CACNA1C: variants seen among roughly 807,000 people sequenced by gnomAD.
CACNA1C encodes the protein calcium voltage-gated channel subunit alpha1 C, also known as voltage-dependent L-type calcium channel subunit alpha-1C.
CACNA1C carries 30 observed loss-of-function variants against 229.0 expected under a neutral mutation model. That is an observed-to-expected ratio of 0.13 (90% CI 0.10 to 0.18). The LOEUF (loss-of-function observed/expected upper bound fraction) is 0.18, where lower values mean the gene tolerates loss of function less well. Ranked by LOEUF, CACNA1C falls within the 10% of genes least tolerant of loss-of-function variation. The probability of loss-of-function intolerance (pLI) is 1.00; values close to 1 mark genes in which losing one functional copy is unlikely to be tolerated. For missense variants in CACNA1C, 1,658 were observed against 2,845.0 expected (o/e 0.58, Z 9.49); for synonymous variants, 1,114 against 1,132.5 (o/e 0.98, Z 0.33).
At chr12:1,992,777 T>A in intron 1 of CACNA1C, 2 of 205,810 alleles carry the variant, frequency 9.7e-6, no homozygotes, top group East Asian at 1.1e-4. Context: ...AGAAACTTTT[T>A]GGACTTTGAT....
intron 3 of CACNA1C, among the ~76,000 whole-genome samples, chr12:2,396,306 T>G (rs2098573432): frequency 6.6e-6 from 1 of 152,174 alleles, no homozygotes; most frequent in Admixed American, 6.5e-5. Flanking sequence ...TGGAAATATT[T>G]TTGCAGCCTG....
chr12:2,118,261 C>A (rs1052031371), intron 2 of CACNA1C, among the ~76,000 whole-genome samples: 2 of 152,072 alleles, frequency 1.3e-5, no homozygotes, highest in Non-Finnish European at 2.9e-5. Flanking sequence ...TGTGTGTGCA[C>A]GGGTCTGGTT....
At chr12:2,378,139 A>G (rs2098128332) in intron 3 of CACNA1C, among the ~76,000 whole-genome samples, 1 of 152,200 alleles carries the variant, frequency 6.6e-6, no homozygotes, top group African/African-American at 2.4e-5. Flanking sequence ...AATAATGATT[A>G]TAAAGTCTAG....
chr12:2,230,457 A>G (rs576495511), intron 3 of CACNA1C, among the ~76,000 whole-genome samples: 1 of 152,348 alleles, frequency 6.6e-6, no homozygotes, highest in South Asian at 2.1e-4. Context: ...GCGACCCCTC[A>G]GGAAGAGACT....
intron 5 of CACNA1C, among the ~76,000 whole-genome samples, chr12:2,462,728 C>G (rs2099519153): frequency 6.6e-6 from 1 of 152,146 alleles, no homozygotes; most frequent in South Asian, 2.1e-4. Context: ...CCTTTGCTGG[C>G]TTTTCCAAAG....
At chr12:2,539,928 C>A (rs1174183216) in intron 9 of CACNA1C, among the ~76,000 whole-genome samples, 2 of 152,154 alleles carry the variant, frequency 1.3e-5, no homozygotes, top group Non-Finnish European at 2.9e-5. Flanking sequence ...CCCAGGGTAG[C>A]AGCTGTGTGG....
At chr12:2,491,997 T>TC (rs57918017) in intron 6 of CACNA1C, among the ~76,000 whole-genome samples, 6 of 146,534 alleles carry the variant, frequency 4.1e-5, no homozygotes, top group African/African-American at 1.3e-4. Context: ...TCTCTCTCTC[T>TC]TTGGAAGTGT....
chr12:2,343,327 G>A (rs889685467), intron 3 of CACNA1C, among the ~76,000 whole-genome samples: 1 of 152,184 alleles, frequency 6.6e-6, no homozygotes, highest in African/African-American at 2.4e-5. Flanking sequence ...CTATTTGGCT[G>A]TTCACAACCT....
intron 1 of CACNA1C, among the ~76,000 whole-genome samples, chr12:2,036,877 G>A (rs551457504): frequency 6.6e-6 from 1 of 152,304 alleles, no homozygotes; most frequent in South Asian, 2.1e-4. Flanking sequence ...TAGCTGCTTA[G>A]TCTTGACACT....
chr12:2,281,066 C>T (rs2091069124), intron 3 of CACNA1C, among the ~76,000 whole-genome samples: 1 of 151,984 alleles, frequency 6.6e-6, no homozygotes, highest in African/African-American at 2.4e-5. Context: ...CACCCAGTAA[C>T]TCGTCATTTA....
In CACNA1C at chr12:2,143,545, G is replaced by A. The variant is rs527389434; in HGVS notation, c.477+23115G>A. On this transcript the variant is annotated intron_variant, in intron 3 of 46. Coordinates refer to ENST00000399655, the MANE Select transcript of CACNA1C (RefSeq NM_000719.7). ...ACCATTGTGCGACAGTTGCTACAGT[G>A]TTCAGTACAGTCTCAGGCACGGTCA... Among the ~76,000 whole-genome samples the A allele has an allele frequency of 2.6e-5, 4 of 151,324 alleles. No homozygotes were observed. The East Asian group carries it at 7.7e-4, about 29-fold the overall frequency.
At chr12:2,123,471 T>A (rs908285060) in intron 3 of CACNA1C, among the ~76,000 whole-genome samples, 4 of 151,262 alleles carry the variant, frequency 2.6e-5, no homozygotes, top group Non-Finnish European at 4.4e-5. Flanking sequence ...AAAATGGAAG[T>A]GACCTCAGAG....
At chr12:2,037,162 A>G (rs991797961) in intron 1 of CACNA1C, among the ~76,000 whole-genome samples, 1 of 152,184 alleles carries the variant, frequency 6.6e-6, no homozygotes, top group Non-Finnish European at 1.5e-5. Flanking sequence ...TGCCTCATCT[A>G]TACATAGGAG....
chr12:2,436,269 C>T (rs938136540), intron 3 of CACNA1C, among the ~76,000 whole-genome samples: 5 of 152,200 alleles, frequency 3.3e-5, no homozygotes, highest in East Asian at 3.9e-4. Flanking sequence ...TCAGAAATTC[C>T]TTCATCCCTT....
intron 3 of CACNA1C, among the ~76,000 whole-genome samples, chr12:2,343,409 A>T (rs2096918068): frequency 6.6e-6 from 1 of 152,256 alleles, no homozygotes; most frequent in Non-Finnish European, 1.5e-5. Context: ...TTAACAAAAA[A>T]CAAAACAAAG....
chr12:2,578,669 T>C (rs112161437), intron 13 of CACNA1C, among the ~76,000 whole-genome samples: 4 of 152,136 alleles, frequency 2.6e-5, no homozygotes, highest in African/African-American at 9.7e-5. Context: ...TCCGAGGACT[T>C]TGCCTTGAGC....
At chr12:2,004,247 C>G (rs202018880) in intron 1 of CACNA1C, 1 of 1,611,396 alleles carries the variant, frequency 6.2e-7, no homozygotes, top group Non-Finnish European at 8.5e-7. Flanking sequence ...CCACCCCAAC[C>G]CTGGGCTGCA....
At chr12:2,088,570 CAG>C (rs1345577907) in intron 1 of CACNA1C, among the ~76,000 whole-genome samples, 2 of 152,206 alleles carry the variant, frequency 1.3e-5, no homozygotes, top group Non-Finnish European at 2.9e-5. Context: ...ATCATGAGAA[CAG>C]GGTCTGGCCC....
intron 46 of CACNA1C, 112 bp from the exon 47 acceptor site, chr12:2,690,788 A>T: frequency 3.8e-6 from 4 of 1,064,808 alleles, no homozygotes; most frequent in Non-Finnish European, 5.3e-6. Context: ...ACACACGCAC[A>T]CTTCCCCAAG....
Sources: gnomAD v4.1 joint callset for allele counts (sites outside exome capture counted in the v4.1 genomes callset) on GRCh38, gnomAD v4.1.1 for gene constraint, MANE v1.5 for transcripts, NCBI Gene and HGNC (gene_info 2026-07-23, HGNC 2026-07-21) for gene names.